Variants in DIAPH2 observed in about 807,000 individuals in gnomAD.
The protein encoded by DIAPH2 is diaphanous related formin 2, also known as protein diaphanous homolog 2.
In DIAPH2, 35 loss-of-function variants were observed where a neutral mutation model predicts 92.7. That is an observed-to-expected ratio of 0.38 (90% CI 0.29 to 0.50). DIAPH2 has a LOEUF of 0.50. Ranked by LOEUF, DIAPH2 falls within the 20% of genes least tolerant of loss-of-function variation. The pLI is 0.94. For synonymous variants in DIAPH2, 301 were observed against 280.4 expected (o/e 1.07, Z -0.73); for missense variants, 701 against 819.5 (o/e 0.86, Z 1.77).
chrX:97,439,961 G>A (rs1230759827), intron 26 of DIAPH2, among the ~76,000 whole-genome samples: 6 of 111,095 alleles, frequency 5.4e-5, no homozygotes, highest in Non-Finnish European at 1.1e-4. Flanking sequence ...GAGTCCAGGA[G>A]TCTCGGAGAA....
At chrX:96,863,592 C>T (rs1378856329) in intron 4 of DIAPH2, among the ~76,000 whole-genome samples, 2 of 110,335 alleles carry the variant, frequency 1.8e-5, no homozygotes, top group African/African-American at 3.3e-5. Context: ...TAATTGAAAT[C>T]ATTCTGTACC....
chrX:97,186,480 A>G (rs2067605772), intron 22 of DIAPH2, among the ~76,000 whole-genome samples: 1 of 111,764 alleles, frequency 8.9e-6, no homozygotes, highest in Non-Finnish European at 1.9e-5. Context: ...TATGTTATGC[A>G]TTTACTTTCC....
chrX:96,877,990 T>C (rs748416083), intron 4 of DIAPH2, among the ~76,000 whole-genome samples: 10 of 112,131 alleles, frequency 8.9e-5, no homozygotes, highest in African/African-American at 3.2e-4. Flanking sequence ...AGTGGTAATT[T>C]TCATTAATCT....
chrX:96,884,570 C>T, intron 5 of DIAPH2: 1 of 1,210,838 alleles, frequency 8.3e-7, no homozygotes, highest in Non-Finnish European at 1.1e-6. Context: ...GAGAAGGCTT[C>T]AAATCACATT....
chrX:97,150,648 C>A (rs749644431), intron 22 of DIAPH2, among the ~76,000 whole-genome samples: 5 of 111,816 alleles, frequency 4.5e-5, no homozygotes, highest in Non-Finnish European at 9.4e-5. Context: ...TCCAACTATT[C>A]TACCTTTCAA....
intron 23 of DIAPH2, among the ~76,000 whole-genome samples, chrX:97,297,210 G>A (rs73258349): frequency 0.035 from 3,535 of 102,436 alleles, 54 homozygotes; most frequent in Middle Eastern, 0.087. Context: ...TTACACAAGC[G>A]ACAACTCATA....
At chrX:96,792,504 G>A (rs2064508684) in intron 4 of DIAPH2, among the ~76,000 whole-genome samples, 2 of 111,879 alleles carry the variant, frequency 1.8e-5, no homozygotes, top group Non-Finnish European at 3.8e-5. Flanking sequence ...TATTATGGGA[G>A]TATTTTTCAG....
At chrX:97,349,333 C>T (rs951009107) in intron 24 of DIAPH2, among the ~76,000 whole-genome samples, 3 of 110,430 alleles carry the variant, frequency 2.7e-5, no homozygotes, top group African/African-American at 9.9e-5. Flanking sequence ...AAGTGATCCA[C>T]CTACCTCAGC....
intron 5 of DIAPH2, chrX:96,883,979 A>T (rs973483561): frequency 4.9e-5 from 9 of 184,422 alleles, no homozygotes; most frequent in Non-Finnish European, 8.9e-5. Context: ...CTTTTAATAG[A>T]TAGGCGCTTT....
At chrX:97,309,183 A>G (rs1034319351) in intron 23 of DIAPH2, among the ~76,000 whole-genome samples, 3 of 108,258 alleles carry the variant, frequency 2.8e-5, no homozygotes, top group African/African-American at 1.0e-4. Flanking sequence ...TTACTGCAAC[A>G]TCTGCCTCCT....
chrX:96,840,870 C>A (rs2064932272), intron 4 of DIAPH2, among the ~76,000 whole-genome samples: 3 of 111,280 alleles, frequency 2.7e-5, no homozygotes, highest in African/African-American at 9.8e-5. Context: ...GCCTCGGCCT[C>A]CCAAAGTGCT....
chrX:97,160,361 T>C (rs769509167), intron 22 of DIAPH2, among the ~76,000 whole-genome samples: 1 of 112,511 alleles, frequency 8.9e-6, no homozygotes, highest in South Asian at 3.7e-4. Context: ...GGCTATGTTA[T>C]CCTGGGGTGG....
chrX:96,978,466 C>T (rs922814521), intron 17 of DIAPH2, among the ~76,000 whole-genome samples: 6 of 109,901 alleles, frequency 5.5e-5, no homozygotes, highest in African/African-American at 2.0e-4. Context: ...TATTAGGTGT[C>T]TGGCAAACAC....
At chrX:97,467,024 G>A (rs1435736675) in intron 26 of DIAPH2, among the ~76,000 whole-genome samples, 1 of 111,838 alleles carries the variant, frequency 8.9e-6, no homozygotes, top group African/African-American at 3.2e-5. Context: ...GTTACTTTTT[G>A]CAAAAGATTA....
intron 22 of DIAPH2, among the ~76,000 whole-genome samples, chrX:97,204,973 A>G (rs2067783983): frequency 9.0e-6 from 1 of 111,433 alleles, no homozygotes; most frequent in Non-Finnish European, 1.9e-5. Flanking sequence ...ACCAAAACAG[A>G]CATATAGACC....
At chrX:97,053,666 T>C (rs1273722509) in intron 17 of DIAPH2, among the ~76,000 whole-genome samples, 4 of 111,641 alleles carry the variant, frequency 3.6e-5, no homozygotes. Flanking sequence ...AGAACTATGT[T>C]CTGTCGATAG....
intron 26 of DIAPH2, among the ~76,000 whole-genome samples, chrX:97,584,007 AG>A (rs1281065609): frequency 8.9e-6 from 1 of 112,662 alleles, no homozygotes; most frequent in Non-Finnish European, 1.9e-5. Flanking sequence ...TTCCCGAGTG[AG>A]GCAATGCCTC....
chrX:97,012,533 A>G (rs1360034809), intron 17 of DIAPH2, among the ~76,000 whole-genome samples: 1 of 112,294 alleles, frequency 8.9e-6, no homozygotes, highest in Non-Finnish European at 1.9e-5. Context: ...TTGTCATTTT[A>G]TATAAAATTT....
chrX:96,745,818 G>A (rs2064146500), intron 3 of DIAPH2, among the ~76,000 whole-genome samples: 1 of 112,094 alleles, frequency 8.9e-6, no homozygotes, highest in Non-Finnish European at 1.9e-5. Context: ...TTCATATTGT[G>A]CTTATTCAAT....
Sources: allele counts gnomAD v4.1 joint callset (sites outside exome capture counted in the v4.1 genomes callset), GRCh38; gene constraint gnomAD v4.1.1; transcripts MANE v1.5; gene names NCBI Gene and HGNC (gene_info 2026-07-23, HGNC 2026-07-21).